Variants in SCN9A observed in about 807,000 individuals in gnomAD.
SCN9A encodes the protein sodium channel protein type 9 subunit alpha.
SCN9A carries 131 observed loss-of-function variants against 187.0 expected under a neutral mutation model. That is an observed-to-expected ratio of 0.70 (90% CI 0.61 to 0.81). The LOEUF (loss-of-function observed/expected upper bound fraction) is 0.81. Ranked by LOEUF, SCN9A falls within the 30% of genes least tolerant of loss-of-function variation. The probability of loss-of-function intolerance (pLI) is 0.00; values close to 1 mark genes in which losing one functional copy is unlikely to be tolerated. For missense variants in SCN9A, 2,252 were observed against 2,396.6 expected (o/e 0.94, Z 1.26); for synonymous variants, 809 against 808.6 (o/e 1.00, Z -0.01).
At chr2:166,258,251 A>G (rs1161528919) in intron 17 of SCN9A, among the ~76,000 whole-genome samples, 1 of 151,574 alleles carries the variant, frequency 6.6e-6, no homozygotes, top group African/African-American at 2.4e-5. Context: ...TTTTAGAAAT[A>G]TTCAATAAGG....
At chr2:166,372,215 T>C (rs1277756754) in intron 1 of SCN9A, among the ~76,000 whole-genome samples, 1 of 152,122 alleles carries the variant, frequency 6.6e-6, no homozygotes, top group Non-Finnish European at 1.5e-5. Context: ...TCTTCATGGA[T>C]AAGCCCACAT....
chr2:166,363,842 A>G lies in SCN9A; in HGVS notation c.-51+11855T>C, dbSNP rs375873835. Among the ~76,000 whole-genome samples the G allele has an allele frequency of 1.1e-4, 17 of 152,186 alleles. No individual in the cohort carries two copies. In the East Asian group the frequency reaches 2.1e-3, roughly 19 times the overall value. On this transcript the variant is annotated intron_variant, in intron 1 of 26. Transcript: ENST00000642356. Reference sequence around the variant, plus strand: ...GTCAACAAAAGAAAAAAAGAGCTGAATTGGATTTTGTCAAAATTGAAACTG... The same window carrying G: ...GTCAACAAAAGAAAAAAAGAGCTGAGTTGGATTTTGTCAAAATTGAAACTG...
intron 1 of SCN9A, among the ~76,000 whole-genome samples, chr2:166,324,165 C>T (rs184558307): frequency 1.8e-4 from 27 of 151,814 alleles, no homozygotes; most frequent in Non-Finnish European, 5.9e-5. Context: ...GTGGTGTGGG[C>T]GCCTGCAATC....
intron 19 of SCN9A, among the ~76,000 whole-genome samples, chr2:166,242,028 C>G (rs770366816): frequency 6.6e-6 from 1 of 152,106 alleles, no homozygotes; most frequent in Non-Finnish European, 1.5e-5. Context: ...TCTGAGGAAA[C>G]CTGTTACACT....
chr2:166,281,549 T>C, intron 13 of SCN9A, 130 bp downstream of exon 13: 1 of 737,440 alleles, frequency 1.4e-6, no homozygotes, highest in Non-Finnish European at 2.1e-6. Flanking sequence ...TTGGTTATCT[T>C]TACCATCATT....
intron 5 of SCN9A, 92 bp from the exon 6 acceptor site, chr2:166,304,421 T>C (rs1055447859): frequency 9.1e-7 from 1 of 1,093,818 alleles, no homozygotes; most frequent in Non-Finnish European, 1.3e-6. Flanking sequence ...CGTTTGGGGC[T>C]TCTATTTTAA....
At chr2:166,370,407 G>A (rs540547244) in intron 1 of SCN9A, among the ~76,000 whole-genome samples, 5 of 151,566 alleles carry the variant, frequency 3.3e-5, no homozygotes, top group African/African-American at 1.2e-4. Context: ...AGCCGGGCAC[G>A]GTGGTAGGCG....
chr2:166,247,545 T>C (rs1296233378), intron 18 of SCN9A, among the ~76,000 whole-genome samples: 2 of 152,074 alleles, frequency 1.3e-5, no homozygotes, highest in African/African-American at 4.8e-5. Flanking sequence ...TGAGACAGAG[T>C]CTCACTTTGT....
intron 1 of SCN9A, among the ~76,000 whole-genome samples, chr2:166,344,478 A>G (rs1157188428): frequency 1.3e-5 from 2 of 152,194 alleles, no homozygotes; most frequent in Non-Finnish European, 2.9e-5. Flanking sequence ...ACATTCGCTT[A>G]GAAAATAGTC....
At chr2:166,359,381 G>C (rs1164888568) in intron 1 of SCN9A, among the ~76,000 whole-genome samples, 1 of 151,994 alleles carries the variant, frequency 6.6e-6, no homozygotes, top group Non-Finnish European at 1.5e-5. Context: ...AGTATGCCAA[G>C]TATAATATCA....
chr2:166,300,301 T>G (rs1698498174), intron 7 of SCN9A, among the ~76,000 whole-genome samples: 1 of 150,696 alleles, frequency 6.6e-6, no homozygotes, highest in African/African-American at 2.5e-5. Context: ...ACCCATACCC[T>G]CCCTTTATTC....
At chr2:166,268,320 CAT>C (rs946915817) in intron 17 of SCN9A, among the ~76,000 whole-genome samples, 5 of 151,920 alleles carry the variant, frequency 3.3e-5, no homozygotes, top group Non-Finnish European at 7.4e-5. Context: ...GACTTAATGA[CAT>C]AAATATATAA....
chr2:166,274,644 T>C (rs1697148785), intron 16 of SCN9A, among the ~76,000 whole-genome samples: 1 of 152,218 alleles, frequency 6.6e-6, no homozygotes, highest in Non-Finnish European at 1.5e-5. Flanking sequence ...ATCAACTTTA[T>C]GAATTTTCTT....
chr2:166,375,422 G>C (rs181276399), intron 1 of SCN9A, among the ~76,000 whole-genome samples: 1 of 152,202 alleles, frequency 6.6e-6, no homozygotes, highest in Non-Finnish European at 1.5e-5. Context: ...CCTTTCCACA[G>C]TTTCAGAACC....
At chr2:166,340,005 G>C (rs1387518563) in intron 1 of SCN9A, among the ~76,000 whole-genome samples, 2 of 152,104 alleles carry the variant, frequency 1.3e-5, no homozygotes, top group Non-Finnish European at 2.9e-5. Flanking sequence ...AAGTTACACG[G>C]GTAGTCTGTT....
rs201343843 is a variant in SCN9A, at chr2:166,307,029, C to A, written c.304G>T (p.Ala102Ser). 51 of 1,611,678 alleles carry A rather than the reference C, an allele frequency of 3.2e-5. No individual in the cohort carries two copies. Among genetic ancestry groups the A allele is most frequent in the Non-Finnish European group, 4.1e-5 (48 of 1,178,208 alleles). Reference sequence around the variant, plus strand: ...GAAAGCATATATAAAGCAGGTGTGGCATTGAAACGGAAGATTGTTTTCCCT... The same window carrying A: ...GAAAGCATATATAAAGCAGGTGTGGAATTGAAACGGAAGATTGTTTTCCCT... ...NKGKTIFRFN[A>S]TPALYMLSPF... Residue 102 changes from alanine to serine, a missense_variant, in exon 3 of 27, where the codon GCC becomes TCC. Physicochemically the swap from Ala to Ser is moderately conservative, Grantham distance 99. Transcript: ENST00000642356.
At chr2:166,345,311 A>G (rs1163884052) in intron 1 of SCN9A, among the ~76,000 whole-genome samples, 2 of 17,064 alleles carry the variant, frequency 1.2e-4, no homozygotes, top group African/African-American at 7.3e-4. Flanking sequence ...CATAACTTAG[A>G]AAAAAATATG....
chr2:166,361,747 G>T (rs1438700302), intron 1 of SCN9A, among the ~76,000 whole-genome samples: 1 of 152,066 alleles, frequency 6.6e-6, no homozygotes, highest in African/African-American at 2.4e-5. Context: ...GCAGAATTAT[G>T]CAAAAGTTTA....
chr2:166,267,464 TG>T (rs1295499588), intron 17 of SCN9A, among the ~76,000 whole-genome samples: 9 of 151,934 alleles, frequency 5.9e-5, no homozygotes, highest in Non-Finnish European at 1.2e-4. Context: ...GCTAGTATTT[TG>T]TTGGGGCATT....
Sources: allele counts gnomAD v4.1 joint callset (sites outside exome capture counted in the v4.1 genomes callset), GRCh38; gene constraint gnomAD v4.1.1; transcripts MANE v1.5; gene names NCBI Gene and HGNC (gene_info 2026-07-23, HGNC 2026-07-21).